Variants in CCNJ observed in about 807,000 individuals in gnomAD.
The protein encoded by CCNJ is cyclin J.
In CCNJ, 12 loss-of-function variants were observed where a neutral mutation model predicts 41.4. The ratio of observed to expected loss-of-function variants is 0.29; its 90% confidence interval spans 0.19 to 0.47. The LOEUF (loss-of-function observed/expected upper bound fraction) is 0.47. Among genes scored for constraint, CCNJ ranks in the 20% least tolerant of loss-of-function variants. The pLI is 1.00. For missense variants in CCNJ, 340 were observed against 464.6 expected (o/e 0.73, Z 2.47); for synonymous variants, 161 against 173.4 (o/e 0.93, Z 0.56).
rs781488121 is a variant in CCNJ, at chr10:96,058,183, AC to A, written c.1096del (p.Arg366GlyfsTer5). 3 of 1,614,060 alleles carry A rather than the reference AC, an allele frequency of 1.9e-6. No homozygotes were observed. In the South Asian group the frequency reaches 3.3e-5, roughly 18 times the overall value. On this transcript the variant is annotated frameshift_variant, in exon 6 of 6. Transcript: ENST00000465148. LOFTEE classifies it high-confidence loss of function. The part of the protein sequence containing the change: ...EVKPCLSVSY[N>X]RSYQINEHYP... Reference sequence around the variant, plus strand: ...AAGCCCTGTCTGAGTGTTTCTTACAACCGGAGTTATCAGATAAATGAACATT... The same window carrying A: ...AAGCCCTGTCTGAGTGTTTCTTACAACGGAGTTATCAGATAAATGAACATT...
chr10:96,056,667 T>G, intron 3 of CCNJ, 34 bp from the exon 4 acceptor site: 1 of 1,510,020 alleles, frequency 6.6e-7, no homozygotes, highest in Non-Finnish European at 8.9e-7. Context: ...TTGCCTGACA[T>G]TTTCTCTCCC....
intron 3 of CCNJ, 78 bp from the exon 4 acceptor site, chr10:96,056,623 A>C (rs2080703198): frequency 1.9e-6 from 2 of 1,053,540 alleles, no homozygotes; most frequent in Non-Finnish European, 2.8e-6. Context: ...AAGACAGCAA[A>C]TCCCATTTTA....
At chr10:96,052,049 T>C (rs1168180046) in intron 3 of CCNJ, among the ~76,000 whole-genome samples, 1 of 152,218 alleles carries the variant, frequency 6.6e-6, no homozygotes, top group Admixed American at 6.5e-5. Flanking sequence ...CATTTCCCCT[T>C]AATCTACTGT....
rs1179396952 is a variant in CCNJ, at chr10:96,056,745, C to T, written c.325C>T (p.Leu109Phe). The T allele has an allele frequency of 6.2e-7, 1 of 1,612,756 alleles. No homozygotes were observed. Among genetic ancestry groups the T allele is most frequent in the South Asian group, 1.1e-5 (1 of 90,862 alleles). ...KEDSVPKLEQ[L>F]NSLGCMTNMN... Reference sequence around the variant, plus strand: ...AGACAGTGTGCCTAAGCTGGAGCAGCTCAACAGCCTGGGTTGTATGACTAA... The same window carrying T: ...AGACAGTGTGCCTAAGCTGGAGCAGTTCAACAGCCTGGGTTGTATGACTAA... The change falls in exon 4 of 6, where the codon CTC becomes TTC. Residue 109 changes from leucine to phenylalanine, a missense_variant. By Grantham distance (22) the Leu-to-Phe change is conservative. Around this residue, in one of 3 missense-constraint regions of CCNJ, gnomAD observed 137 missense variants for 252.9 expected, o/e 0.54. Coordinates refer to ENST00000465148, the MANE Select transcript of CCNJ (RefSeq NM_001134375.2).
In CCNJ at chr10:96,045,473, G is replaced by A. The variant is rs142167137; in HGVS notation, c.69+1011G>A. 5.3e-3 allele frequency among the ~76,000 whole-genome samples: 806 copies of A among 152,296 alleles called. 5 individuals carry two copies. Among genetic ancestry groups the A allele is most frequent in the South Asian group, 0.013 (64 of 4,830 alleles). On this transcript the variant is annotated intron_variant, in intron 2 of 5. Coordinates refer to ENST00000465148, the MANE Select transcript of CCNJ (RefSeq NM_001134375.2). ...CAAGTAGATTGGAAAACCTAATTCT[G>A]ACTTAAATTGTTACCCTTTTCTAGG...
At chr10:96,047,727 T>C (rs1211849505) in intron 2 of CCNJ, among the ~76,000 whole-genome samples, 1 of 152,232 alleles carries the variant, frequency 6.6e-6, no homozygotes, top group African/African-American at 2.4e-5. Flanking sequence ...GTTAGGTGAA[T>C]ATATAACTTC....
Position 96,058,079 on chromosome 10 carries a change from T to A in CCNJ, c.990T>A (p.Ala330=). The stretch of plus-strand genomic sequence containing the variant: ...CTTACACACTACAGACATGTCCTGC[T>A]GGCTTCCAAACTAGTGTTCAGGGCC... ...TSSYTLQTCP[A]GFQTSVQGLG... is the part of the protein sequence containing the mutation. Residue 330 remains alanine (A), a synonymous_variant, in exon 6 of 6, where the codon GCT becomes GCA. Coordinates refer to ENST00000465148, the MANE Select transcript of CCNJ (RefSeq NM_001134375.2). The A allele has an allele frequency of 1.2e-6, 2 of 1,614,204 alleles. No individual in the cohort carries two copies. Among genetic ancestry groups the A allele is most frequent in the Non-Finnish European group, 1.7e-6 (2 of 1,180,036 alleles).
At chr10:96,043,899 G>C (rs1326976414) in intron 1 of CCNJ, among the ~76,000 whole-genome samples, 180 bp downstream of exon 1, 1 of 152,192 alleles carries the variant, frequency 6.6e-6, no homozygotes, top group South Asian at 2.1e-4. Flanking sequence ...CGACGTCCAT[G>C]CGGAGACCCG....
intron 3 of CCNJ, among the ~76,000 whole-genome samples, chr10:96,051,251 T>G (rs566315176): frequency 3.9e-5 from 6 of 152,332 alleles, no homozygotes; most frequent in African/African-American, 7.2e-5. Flanking sequence ...CTCTTTCTCT[T>G]TACATCTTCC....
At chr10:96,055,544 A>G (rs1178256394) in intron 3 of CCNJ, among the ~76,000 whole-genome samples, 4 of 152,210 alleles carry the variant, frequency 2.6e-5, no homozygotes, top group Non-Finnish European at 5.9e-5. Flanking sequence ...TACTAAAATG[A>G]AGCCTTTATA....
rs1332883385 is a variant in CCNJ, at chr10:96,059,107, T to C, written c.*866T>C. ...CATAATATAGCTCAGAATGAAGTGG[T>C]AGTTCCTGTGATTCATAATACATAT... On this transcript the variant is annotated 3_prime_UTR_variant, in exon 6 of 6. Transcript: ENST00000465148. 6.6e-6 allele frequency: 1 copy of C among 152,656 alleles called. No individual in the cohort carries two copies. The highest frequency in any genetic ancestry group is 2.4e-5 in the African/African-American group (1 of 41,454). The allele number at this position is 152,656 out of a possible 1,614,324, so 9.5% of individuals were successfully genotyped here.
intron 2 of CCNJ, among the ~76,000 whole-genome samples, chr10:96,046,126 G>T (rs547143683): frequency 2.4e-4 from 37 of 152,166 alleles, no homozygotes; most frequent in African/African-American, 8.9e-4. Flanking sequence ...GGCTTTTGTG[G>T]ATTAGTTTCT....
Position 96,058,627 on chromosome 10 carries a change from A to G in CCNJ, c.*386A>G, listed in dbSNP as rs185581339. Reference sequence around the variant, plus strand: ...CAAAGACTAAATGTTTATCTCATCTATGGACTTGCCAAACAGTCTTTTATG... The same window carrying G: ...CAAAGACTAAATGTTTATCTCATCTGTGGACTTGCCAAACAGTCTTTTATG... On this transcript the variant is annotated 3_prime_UTR_variant, in exon 6 of 6. Transcript: ENST00000465148. 42 of 405,794 alleles carry G rather than the reference A, an allele frequency of 1.0e-4. No homozygotes were observed. Among genetic ancestry groups the G allele is most frequent in the Non-Finnish European group, 1.7e-4 (39 of 229,918 alleles). 25.1% of individuals were successfully genotyped at this position (405,794 alleles called of 1,614,324 possible).
At chr10:96,052,700 T>C (rs1036600739) in intron 3 of CCNJ, among the ~76,000 whole-genome samples, 1 of 152,238 alleles carries the variant, frequency 6.6e-6, no homozygotes, top group Admixed American at 6.5e-5. Flanking sequence ...CTGTATTTGC[T>C]GGGGTTCAAA....
At chr10:96,051,560 T>C (rs1000187916) in intron 3 of CCNJ, among the ~76,000 whole-genome samples, 3 of 152,168 alleles carry the variant, frequency 2.0e-5, no homozygotes, top group Admixed American at 6.5e-5. Flanking sequence ...TAAAGGAGTA[T>C]GTAGATATAC....
intron 3 of CCNJ, among the ~76,000 whole-genome samples, chr10:96,052,649 G>A (rs1157811072): frequency 2.6e-5 from 4 of 152,168 alleles, no homozygotes. Context: ...GTGGTAAGAT[G>A]TAGTTATTTG....
chr10:96,054,147 C>T (rs183992407), intron 3 of CCNJ, among the ~76,000 whole-genome samples: 128 of 152,288 alleles, frequency 8.4e-4, no homozygotes, highest in Middle Eastern at 3.4e-3. Flanking sequence ...TCTGTGGCCT[C>T]TAATTCTTTA....
At chr10:96,054,468 A>G (rs2080622904) in intron 3 of CCNJ, among the ~76,000 whole-genome samples, 1 of 152,230 alleles carries the variant, frequency 6.6e-6, no homozygotes, top group Non-Finnish European at 1.5e-5. Flanking sequence ...ACCCTGAATT[A>G]AAACCCCAAG....
chr10:96,054,012 C>T (rs1404371077), intron 3 of CCNJ, among the ~76,000 whole-genome samples: 1 of 151,924 alleles, frequency 6.6e-6, no homozygotes, highest in South Asian at 2.1e-4. Context: ...TGATCCGTGC[C>T]CTATTCAGTA....
Sources: allele counts gnomAD v4.1 joint callset (sites outside exome capture counted in the v4.1 genomes callset), GRCh38; gene constraint gnomAD v4.1.1; regional missense constraint gnomAD v4.1.1; transcripts MANE v1.5; gene names NCBI Gene and HGNC (gene_info 2026-07-23, HGNC 2026-07-21).